The following KCNIP4 variants were observed in gnomAD, a reference collection of about 807,000 sequenced individuals.
The protein encoded by KCNIP4 is potassium voltage-gated channel interacting protein 4.
Under a neutral mutation model 34.0 loss-of-function variants are expected in KCNIP4, and 12 were observed. The ratio of observed to expected loss-of-function variants is 0.35; its 90% CI spans 0.23 to 0.57. The LOEUF is 0.57. Ranked by LOEUF, KCNIP4 falls within the 20% of genes least tolerant of loss-of-function variation. The probability of loss-of-function intolerance (pLI) is 0.83; values close to 1 mark genes in which losing one functional copy is unlikely to be tolerated. For synonymous variants in KCNIP4, 124 were observed against 102.2 expected (o/e 1.21, Z -1.29); for missense variants, 238 against 311.7 (o/e 0.76, Z 1.78).
chr4:21,264,579 C>T (rs1358764418), intron 1 of KCNIP4, among the ~76,000 whole-genome samples: 1 of 152,130 alleles, frequency 6.6e-6, no homozygotes, highest in African/African-American at 2.4e-5. Context: ...CTACACCCAC[C>T]ATGCTCATCA....
chr4:21,754,295 T>C (rs1717359747), intron 1 of KCNIP4, among the ~76,000 whole-genome samples: 1 of 152,328 alleles, frequency 6.6e-6, no homozygotes, highest in Non-Finnish European at 1.5e-5. Context: ...CCTTGCTTTA[T>C]TTGTCTATAC....
At chr4:20,794,943 G>T (rs901888996) in intron 3 of KCNIP4, among the ~76,000 whole-genome samples, 3 of 152,096 alleles carry the variant, frequency 2.0e-5, no homozygotes, top group Admixed American at 1.3e-4. Flanking sequence ...GACTGGATTT[G>T]GTTAATCTTC....
chr4:21,838,266 A>C (rs1445119139), intron 1 of KCNIP4, among the ~76,000 whole-genome samples: 2 of 152,200 alleles, frequency 1.3e-5, no homozygotes, highest in Non-Finnish European at 2.9e-5. Context: ...GACATCAAAA[A>C]AAGTCCGGAG....
At chr4:21,215,000 C>T (rs1757457993) in intron 1 of KCNIP4, among the ~76,000 whole-genome samples, 1 of 152,190 alleles carries the variant, frequency 6.6e-6, no homozygotes, top group African/African-American at 2.4e-5. Flanking sequence ...TGATATCAGA[C>T]ATGCAGTGTT....
intron 1 of KCNIP4, among the ~76,000 whole-genome samples, chr4:20,912,464 T>C (rs536467382): frequency 6.6e-6 from 1 of 152,266 alleles, no homozygotes; most frequent in South Asian, 2.1e-4. Context: ...ACCTGTAACA[T>C]AACAACTAGG....
At chr4:21,763,074 G>A (rs751691740) in intron 1 of KCNIP4, 165 of 1,288,624 alleles carry the variant, frequency 1.3e-4, no homozygotes, top group East Asian at 5.6e-4. Flanking sequence ...TAATTTCCTC[G>A]TCAGGACACT....
chr4:21,526,881 A>G (rs1216423232), intron 1 of KCNIP4, among the ~76,000 whole-genome samples: 3 of 152,206 alleles, frequency 2.0e-5, no homozygotes, highest in Non-Finnish European at 4.4e-5. Context: ...TTTTAATGAA[A>G]TGCCTGGGCA....
chr4:21,049,532 A>AT (rs1742748714), intron 1 of KCNIP4, among the ~76,000 whole-genome samples: 1 of 152,042 alleles, frequency 6.6e-6, no homozygotes, highest in South Asian at 2.1e-4. Context: ...AAAGATGCCT[A>AT]TTTTTTCGTA....
At position 21,310,469 on chromosome 4, in the gene KCNIP4, A is replaced by G. The variant is rs1247372805; in HGVS notation, c.62-427760T>C. On this transcript the variant is annotated intron_variant, in intron 1 of 8. Coordinates refer to ENST00000382152, the MANE Select transcript of KCNIP4 (RefSeq NM_025221.6). ...TATTCTGGTGCGCAAAATCAGCATC[A>G]GTGACCTGCCTTTAACTTCCTTTGG... Among the ~76,000 whole-genome samples, 3 of 152,162 alleles carry G rather than the reference A, an allele frequency of 2.0e-5. No homozygotes were observed. In the East Asian group the frequency reaches 5.8e-4, roughly 29 times the overall value.
At chr4:21,700,609 A>C (rs2167248) in intron 1 of KCNIP4, among the ~76,000 whole-genome samples, 13,726 of 151,458 alleles carry the variant, frequency 0.091, 1,748 homozygotes, top group African/African-American at 0.29. Context: ...GTTTGCTGCA[A>C]TTTCATTTCT....
At chr4:21,488,892 G>A (rs79369425) in intron 1 of KCNIP4, among the ~76,000 whole-genome samples, 10,621 of 152,138 alleles carry the variant, frequency 0.07, 448 homozygotes, top group African/African-American at 0.087. Context: ...TGGTATTCAG[G>A]CACAGGGTCT....
At chr4:21,202,972 G>A (rs1279951085) in intron 1 of KCNIP4, among the ~76,000 whole-genome samples, 1 of 152,194 alleles carries the variant, frequency 6.6e-6, no homozygotes, top group East Asian at 1.9e-4. Flanking sequence ...AAAGATCCTT[G>A]CATACATATC....
intron 1 of KCNIP4, among the ~76,000 whole-genome samples, chr4:21,114,982 G>A (rs183788923): frequency 4.6e-5 from 7 of 152,236 alleles, no homozygotes; most frequent in Admixed American, 4.6e-4. Flanking sequence ...AAGATTTATA[G>A]TTATCTGGCC....
At chr4:21,352,470 T>G (rs1260184778) in intron 1 of KCNIP4, among the ~76,000 whole-genome samples, 1 of 152,212 alleles carries the variant, frequency 6.6e-6, no homozygotes, top group Admixed American at 6.5e-5. Flanking sequence ...GACCAGGAGA[T>G]TCTCTCCTGT....
intron 1 of KCNIP4, among the ~76,000 whole-genome samples, chr4:21,153,790 T>A (rs1352018517): frequency 2.6e-5 from 4 of 152,028 alleles, no homozygotes; most frequent in Non-Finnish European, 4.4e-5. Context: ...GAGCACTCAG[T>A]CATGTAAACA....
At chr4:21,135,406 C>T (rs545471769) in intron 1 of KCNIP4, among the ~76,000 whole-genome samples, 3 of 152,110 alleles carry the variant, frequency 2.0e-5, no homozygotes, top group Admixed American at 2.0e-4. Context: ...CAAAGCATCC[C>T]CATTTTTGTA....
chr4:21,206,999 G>A (rs1756897128), intron 1 of KCNIP4, among the ~76,000 whole-genome samples: 1 of 152,122 alleles, frequency 6.6e-6, no homozygotes, highest in African/African-American at 2.4e-5. Context: ...TTTGGCAGAT[G>A]ATCACTGTCT....
intron 1 of KCNIP4, among the ~76,000 whole-genome samples, chr4:21,740,044 T>C (rs962747471): frequency 1.3e-5 from 2 of 152,100 alleles, no homozygotes; most frequent in Non-Finnish European, 2.9e-5. Context: ...CTGCATATAC[T>C]TGAGTAACTA....
intron 1 of KCNIP4, among the ~76,000 whole-genome samples, chr4:21,705,528 A>G (rs1455705472): frequency 6.6e-6 from 1 of 152,126 alleles, no homozygotes. Flanking sequence ...CTGAATATAC[A>G]TGAGTGAACC....
Sources: gnomAD v4.1 joint callset for allele counts (sites outside exome capture counted in the v4.1 genomes callset) on GRCh38, gnomAD v4.1.1 for gene constraint, MANE v1.5 for transcripts, NCBI Gene and HGNC (gene_info 2026-07-23, HGNC 2026-07-21) for gene names.